Variants in TBC1D4 observed in about 807,000 individuals in gnomAD.
The protein encoded by TBC1D4 is TBC (Tre-2, BUB2, CDC16) domain-containing protein.
A neutral mutation model predicts 142.5 loss-of-function variants in TBC1D4; 121 were observed. The observed-to-expected ratio is 0.85, with a 90% CI of 0.73 to 0.99. TBC1D4 has a LOEUF of 0.99. Among genes scored for constraint, TBC1D4 ranks in the 50% least tolerant of loss-of-function variants. The pLI is 0.00. For missense variants in TBC1D4, 1,475 were observed against 1,606.6 expected, an observed-to-expected ratio of 0.92 and a Z score of 1.40; for synonymous variants, 630 against 628.2, an observed-to-expected ratio of 1.00 and a Z score of -0.04.
At chr13:75,469,926 T>C (rs1187450872) in intron 1 of TBC1D4, among the ~76,000 whole-genome samples, 1 of 152,140 alleles carries the variant, frequency 6.6e-6, no homozygotes, top group Non-Finnish European at 1.5e-5. Flanking sequence ...AGCATTTAAA[T>C]ACTGAAGAAA....
chr13:75,475,569 G>C (rs1888600374), intron 1 of TBC1D4, among the ~76,000 whole-genome samples: 1 of 152,072 alleles, frequency 6.6e-6, no homozygotes, highest in Non-Finnish European at 1.5e-5. Flanking sequence ...TTTCTTAATA[G>C]CCAGTATACT....
At chr13:75,395,361 T>A (rs1884733974) in intron 1 of TBC1D4, among the ~76,000 whole-genome samples, 3 of 152,198 alleles carry the variant, frequency 2.0e-5, no homozygotes, top group African/African-American at 7.2e-5. Context: ...TTCGCGAATG[T>A]TTTTTAAAGT....
At chr13:75,440,558 A>T (rs186305486) in intron 1 of TBC1D4, among the ~76,000 whole-genome samples, 1,626 of 144,258 alleles carry the variant, frequency 0.011, 25 homozygotes, top group African/African-American at 0.038. Flanking sequence ...ACTATTTTTT[A>T]AAAAAAAAAT....
At chr13:75,305,583 G>A (rs1056305355) in intron 15 of TBC1D4, among the ~76,000 whole-genome samples, 36 of 152,184 alleles carry the variant, frequency 2.4e-4, no homozygotes, top group African/African-American at 8.4e-4. Flanking sequence ...CTTAACTGTG[G>A]CTCAACAGTC....
intron 5 of TBC1D4, among the ~76,000 whole-genome samples, chr13:75,347,711 T>C (rs948967282): frequency 2.0e-5 from 3 of 152,230 alleles, no homozygotes; most frequent in East Asian, 1.9e-4. Context: ...CTGGCACCCG[T>C]TGACACACAG....
intron 1 of TBC1D4, among the ~76,000 whole-genome samples, chr13:75,367,767 G>A (rs973852451): frequency 1.3e-5 from 2 of 152,094 alleles, no homozygotes; most frequent in African/African-American, 4.8e-5. Flanking sequence ...CGGGGATGAT[G>A]TTGAAAGCGT....
At position 75,356,214 on chromosome 13, in the gene TBC1D4, C is replaced by T. The variant is rs1425107811; in HGVS notation, c.1208G>A (p.Arg403Gln). Reference protein sequence around the residue: ...KHVDHFGFICRESPEPGLSQY... With the variant: ...KHVDHFGFICQESPEPGLSQY... The stretch of plus-strand genomic sequence containing the variant: ...GCTAAGTCCAGGCTCTGGAGACTCC[C>T]GGCAGATAAAGCCAAAGTGATCCAC... Residue 403 changes from arginine (R) to glutamine (Q), a missense_variant, in exon 4 of 21, where the codon CGG becomes CAG. This residue lies in a region of TBC1D4 where 1,227 missense variants were observed against 1,267.7 expected (regional missense o/e 0.97). Coordinates refer to ENST00000377636, the MANE Select transcript of TBC1D4 (RefSeq NM_014832.5). The T allele has an allele frequency of 6.2e-6, 10 of 1,613,576 alleles. No homozygotes were observed. The highest frequency in any genetic ancestry group is 1.6e-4 in the Middle Eastern group (1 of 6,078).
intron 1 of TBC1D4, among the ~76,000 whole-genome samples, chr13:75,383,149 C>G (rs1185224346): frequency 6.6e-6 from 1 of 152,118 alleles, no homozygotes; most frequent in Non-Finnish European, 1.5e-5. Context: ...TAGTGAAATC[C>G]CATCTCTACC....
intron 8 of TBC1D4, among the ~76,000 whole-genome samples, chr13:75,330,465 AT>A (rs1171922805): frequency 2.4e-4 from 37 of 152,310 alleles, no homozygotes; most frequent in Non-Finnish European, 1.8e-4. Flanking sequence ...TACGTTAAGG[AT>A]TTTACACTGC....
intron 1 of TBC1D4, among the ~76,000 whole-genome samples, chr13:75,477,835 A>G (rs1888682280): frequency 6.6e-6 from 1 of 152,214 alleles, no homozygotes; most frequent in Admixed American, 6.5e-5. Context: ...CAGTTCAAAT[A>G]TTCAAGTTTA....
At chr13:75,296,841 C>T (rs1428427501) in intron 17 of TBC1D4, among the ~76,000 whole-genome samples, 1 of 152,062 alleles carries the variant, frequency 6.6e-6, no homozygotes, top group Non-Finnish European at 1.5e-5. Context: ...ACCTCAACCC[C>T]CACATTTTAC....
chr13:75,324,269 A>G lies in TBC1D4; in HGVS notation c.2166T>C (p.Gly722=). The change falls in exon 11 of 21, where the codon GGT becomes GGC. Residue 722 remains glycine, a synonymous_variant. Coordinates refer to ENST00000377636, the MANE Select transcript of TBC1D4 (RefSeq NM_014832.5). ...SFLKSFYQNS[G]RLSPQYENEI... ...CATTTTCATACTGTGGGGACAGTCT[A>G]CCTGAATTCTGGTAAAAGCTTTTCA... The G allele has an allele frequency of 6.2e-7, 1 of 1,613,950 alleles. No individual in the cohort carries two copies. Among genetic ancestry groups the G allele is most frequent in the Non-Finnish European group, 8.5e-7 (1 of 1,179,830 alleles).
At chr13:75,320,805 C>T (rs373052252) in intron 11 of TBC1D4, among the ~76,000 whole-genome samples, 2 of 147,196 alleles carry the variant, frequency 1.4e-5, no homozygotes, top group Non-Finnish European at 3.0e-5. Flanking sequence ...GGGCGGATCA[C>T]GAGGTCAGGA....
chr13:75,356,593 G>A (rs776920607), intron 3 of TBC1D4, among the ~76,000 whole-genome samples: 7 of 152,092 alleles, frequency 4.6e-5, no homozygotes, highest in East Asian at 1.9e-4. Context: ...TTCTTGGCAC[G>A]GCAGTCTGAT....
intron 1 of TBC1D4, among the ~76,000 whole-genome samples, chr13:75,479,385 G>C (rs770124502): frequency 2.6e-5 from 4 of 152,024 alleles, no homozygotes; most frequent in Non-Finnish European, 5.9e-5. Flanking sequence ...GCTCCCACTG[G>C]ACTAAAAGGG....
At chr13:75,413,538 G>A (rs113050023) in intron 1 of TBC1D4, among the ~76,000 whole-genome samples, 325 of 152,192 alleles carry the variant, frequency 2.1e-3, no homozygotes, top group African/African-American at 7.6e-3. Flanking sequence ...TATTGTTTGT[G>A]TATTTTATGT....
intron 1 of TBC1D4, among the ~76,000 whole-genome samples, chr13:75,395,755 G>A (rs951313651): frequency 1.3e-5 from 2 of 152,230 alleles, no homozygotes; most frequent in Admixed American, 6.5e-5. Flanking sequence ...ACTTGAACCC[G>A]GGAGGCGGAG....
intron 1 of TBC1D4, among the ~76,000 whole-genome samples, chr13:75,467,144 T>C (rs1486332051): frequency 6.6e-6 from 1 of 152,220 alleles, no homozygotes; most frequent in Non-Finnish European, 1.5e-5. Context: ...GTAACTCTCA[T>C]ACTCAATATG....
intron 1 of TBC1D4, among the ~76,000 whole-genome samples, chr13:75,363,988 G>T (rs1417647004): frequency 6.6e-6 from 1 of 152,134 alleles, no homozygotes; most frequent in African/African-American, 2.4e-5. Context: ...CTACAGCTTG[G>T]TTTTCTACAT....
Sources: gnomAD v4.1 joint callset for allele counts (sites outside exome capture counted in the v4.1 genomes callset) on GRCh38, gnomAD v4.1.1 for gene constraint, gnomAD v4.1.1 regional missense constraint, MANE v1.5 for transcripts, NCBI Gene and HGNC (gene_info 2026-07-23, HGNC 2026-07-21) for gene names.